DIAPH2: variants seen among roughly 807,000 people sequenced by gnomAD.
DIAPH2 encodes the protein diaphanous related formin 2.
DIAPH2 carries 35 observed loss-of-function variants against 92.7 expected under a neutral mutation model. The observed-to-expected ratio is 0.38, with a 90% confidence interval of 0.29 to 0.50. The LOEUF (loss-of-function observed/expected upper bound fraction) is 0.50, where lower values mean the gene tolerates loss of function less well. DIAPH2 is among the 20% of genes least tolerant of loss of function. DIAPH2 has a pLI of 0.94. For missense variants in DIAPH2, 701 were observed against 819.5 expected, an observed-to-expected ratio of 0.86 and a Z score of 1.77; for synonymous variants, 301 against 280.4, an observed-to-expected ratio of 1.07 and a Z score of -0.73.
intron 26 of DIAPH2, among the ~76,000 whole-genome samples, chrX:97,570,986 C>T (rs181240631): frequency 8.9e-6 from 1 of 111,788 alleles, no homozygotes; most frequent in East Asian, 2.8e-4. Context: ...CTTGTAACCA[C>T]AGCACATTTT....
chrX:97,154,137 A>G (rs2067305391), intron 22 of DIAPH2, among the ~76,000 whole-genome samples: 1 of 111,431 alleles, frequency 9.0e-6, no homozygotes, highest in South Asian at 3.7e-4. Context: ...TTAATTATGC[A>G]TTTGCTGATA....
At chrX:97,106,725 A>T (rs1035132193) in intron 20 of DIAPH2, among the ~76,000 whole-genome samples, 1 of 111,054 alleles carries the variant, frequency 9.0e-6, no homozygotes, top group Non-Finnish European at 1.9e-5. Flanking sequence ...CGAGATCAGG[A>T]GTTCGAGACC....
chrX:96,739,840 T>G (rs185871771), intron 3 of DIAPH2, among the ~76,000 whole-genome samples: 2 of 111,960 alleles, frequency 1.8e-5, no homozygotes, highest in African/African-American at 3.3e-5. Flanking sequence ...TTTCGTGCTA[T>G]CTTCTTTAAA....
intron 5 of DIAPH2, among the ~76,000 whole-genome samples, chrX:96,889,851 G>A (rs1253544534): frequency 8.9e-6 from 1 of 112,085 alleles, no homozygotes; most frequent in African/African-American, 3.2e-5. Context: ...AACAGCAACA[G>A]CAAATACCAA....
intron 5 of DIAPH2, among the ~76,000 whole-genome samples, chrX:96,903,617 G>A (rs369980575): frequency 1.8e-5 from 2 of 111,241 alleles, no homozygotes. Context: ...TGAATATTTG[G>A]AATACTCTTT....
intron 22 of DIAPH2, among the ~76,000 whole-genome samples, chrX:97,161,590 A>T (rs2067374044): frequency 9.0e-6 from 1 of 110,874 alleles, no homozygotes; most frequent in Non-Finnish European, 1.9e-5. Context: ...TTTGGTGGAG[A>T]AGGGGGTTTC....
intron 26 of DIAPH2, among the ~76,000 whole-genome samples, chrX:97,572,017 C>G (rs1449867120): frequency 1.8e-5 from 2 of 109,307 alleles, no homozygotes; most frequent in Admixed American, 9.9e-5. Context: ...AGCAGAAGTA[C>G]GAAGTGAAGG....
intron 1 of DIAPH2, among the ~76,000 whole-genome samples, chrX:96,733,516 G>A (rs192322941): frequency 1.8e-5 from 2 of 111,268 alleles, no homozygotes; most frequent in East Asian, 5.7e-4. Context: ...TATGGAGAGT[G>A]TATAGATCAG....
intron 23 of DIAPH2, among the ~76,000 whole-genome samples, chrX:97,272,320 A>C (rs1213922319): frequency 9.0e-6 from 1 of 111,717 alleles, no homozygotes; most frequent in Non-Finnish European, 1.9e-5. Context: ...TTGAGTGCCT[A>C]TTTGTGAACA....
intron 22 of DIAPH2, among the ~76,000 whole-genome samples, chrX:97,154,554 G>C (rs1021333980): frequency 9.0e-6 from 1 of 111,255 alleles, no homozygotes; most frequent in Non-Finnish European, 1.9e-5. Flanking sequence ...GCTATCTTTA[G>C]AATTTAGGGT....
chrX:96,854,765 C>T (rs2065029561), intron 4 of DIAPH2, among the ~76,000 whole-genome samples: 1 of 105,227 alleles, frequency 9.5e-6, no homozygotes, highest in Non-Finnish European at 2.0e-5. Context: ...TGCAAGATTT[C>T]ATCATGCTAC....
At chrX:96,908,708 C>T (rs769189664) in intron 5 of DIAPH2, among the ~76,000 whole-genome samples, 170 of 111,084 alleles carry the variant, frequency 1.5e-3, no homozygotes, top group Non-Finnish European at 2.0e-3. Context: ...ACGCCATTCT[C>T]CTGCCTCAGC....
chrX:97,494,211 CG>C (rs1162473634), intron 26 of DIAPH2, among the ~76,000 whole-genome samples: 1 of 104,030 alleles, frequency 9.6e-6, no homozygotes, highest in Non-Finnish European at 2.0e-5. Flanking sequence ...CCCAGCTACT[CG>C]GGATGCTGAG....
chrX:96,834,567 G>A (rs1045851823), intron 4 of DIAPH2, among the ~76,000 whole-genome samples: 14 of 111,867 alleles, frequency 1.3e-4, no homozygotes, highest in African/African-American at 3.6e-4. Context: ...ACAATATGGT[G>A]AAAAATAGGA....
chrX:96,986,041 C>T (rs1602690967), intron 17 of DIAPH2, among the ~76,000 whole-genome samples: 1 of 110,767 alleles, frequency 9.0e-6, no homozygotes, highest in African/African-American at 3.3e-5. Context: ...AAATATAAAC[C>T]AATTAAAAGT....
At chrX:97,290,856 C>G (rs1027791212) in intron 23 of DIAPH2, among the ~76,000 whole-genome samples, 1 of 111,738 alleles carries the variant, frequency 8.9e-6, no homozygotes, top group Non-Finnish European at 1.9e-5. Flanking sequence ...AGGTGTATCA[C>G]TTGAGGTTGG....
intron 23 of DIAPH2, among the ~76,000 whole-genome samples, chrX:97,268,588 A>C (rs772870440): frequency 2.7e-5 from 3 of 112,335 alleles, no homozygotes; most frequent in Non-Finnish European, 5.6e-5. Flanking sequence ...ACTTACAGTT[A>C]TGTGCTTAGT....
intron 26 of DIAPH2, among the ~76,000 whole-genome samples, chrX:97,499,263 A>G (rs2070779380): frequency 8.9e-6 from 1 of 112,097 alleles, no homozygotes; most frequent in East Asian, 2.8e-4. Context: ...CTCTGGATGT[A>G]GGGTCATTTT....
intron 23 of DIAPH2, among the ~76,000 whole-genome samples, chrX:97,307,015 A>T (rs2068752631): frequency 8.9e-6 from 1 of 112,049 alleles, no homozygotes; most frequent in Admixed American, 9.5e-5. Context: ...AGTTTAAGAT[A>T]AGACAGAAAT....
Sources: allele counts gnomAD v4.1 joint callset (sites outside exome capture counted in the v4.1 genomes callset), GRCh38; gene constraint gnomAD v4.1.1; transcripts MANE v1.5; gene names NCBI Gene and HGNC (gene_info 2026-07-23, HGNC 2026-07-21).